Variants in NAV3 observed in about 807,000 individuals in gnomAD.
NAV3 encodes the protein neuron navigator 3, also known as pore membrane and/or filament interacting like protein 1.
NAV3 carries 87 observed loss-of-function variants against 244.7 expected under a neutral mutation model. The ratio of observed to expected loss-of-function variants is 0.36; its 90% CI spans 0.30 to 0.42. The LOEUF (loss-of-function observed/expected upper bound fraction) is 0.42, where lower values mean the gene tolerates loss of function less well. Ranked by LOEUF, NAV3 falls within the 20% of genes least tolerant of loss-of-function variation. NAV3 has a pLI of 1.00. For missense variants in NAV3, 2,663 were observed against 2,893.3 expected (o/e 0.92, Z 1.83); for synonymous variants, 1,126 against 1,042.2 (o/e 1.08, Z -1.55).
chr12:78,096,133 A>G (rs1954238637), intron 12 of NAV3, among the ~76,000 whole-genome samples: 1 of 152,320 alleles, frequency 6.6e-6, no homozygotes, highest in East Asian at 1.9e-4. Flanking sequence ...AATAAAAGGG[A>G]TCAAGTCCTA....
intron 2 of NAV3, among the ~76,000 whole-genome samples, chr12:77,797,920 G>A (rs1871508505): frequency 6.6e-6 from 1 of 151,640 alleles, no homozygotes; most frequent in Non-Finnish European, 1.5e-5. Context: ...TGTAATCCCA[G>A]TACTTTGGGA....
chr12:77,661,038 G>T (rs1592554055), intron 2 of NAV3, among the ~76,000 whole-genome samples: 2 of 152,052 alleles, frequency 1.3e-5, no homozygotes, highest in Non-Finnish European at 2.9e-5. Context: ...TATGAATAAT[G>T]CTGCCATAAA....
At chr12:78,012,303 T>C (rs1875438112) in intron 8 of NAV3, among the ~76,000 whole-genome samples, 1 of 152,084 alleles carries the variant, frequency 6.6e-6, no homozygotes, top group African/African-American at 2.4e-5. Context: ...TAGTTTCCAA[T>C]GAGTCTCCCA....
intron 2 of NAV3, among the ~76,000 whole-genome samples, chr12:77,672,574 C>T (rs953258024): frequency 1.3e-5 from 2 of 151,678 alleles, no homozygotes; most frequent in African/African-American, 4.8e-5. Flanking sequence ...GTATATATGG[C>T]TGAGTAGTAT....
intron 12 of NAV3, among the ~76,000 whole-genome samples, chr12:78,084,006 C>T (rs1323800881): frequency 6.6e-6 from 1 of 152,134 alleles, no homozygotes; most frequent in African/African-American, 2.4e-5. Flanking sequence ...ATTTTATCTA[C>T]TCTGCTCCTG....
At chr12:77,919,619 G>A (rs1217141765) in intron 1 of NAV3, among the ~76,000 whole-genome samples, 9 of 151,904 alleles carry the variant, frequency 5.9e-5, no homozygotes, top group East Asian at 1.9e-4. Context: ...TTTCTTAACC[G>A]CAAATATGTT....
At chr12:77,730,920 A>G (rs1428657479) in intron 2 of NAV3, among the ~76,000 whole-genome samples, 1 of 151,934 alleles carries the variant, frequency 6.6e-6, no homozygotes, top group African/African-American at 2.4e-5. Flanking sequence ...CTAGAATAAA[A>G]ACAGAATAAT....
chr12:78,182,054 G>C (rs929698874), intron 30 of NAV3, among the ~76,000 whole-genome samples: 6 of 151,966 alleles, frequency 3.9e-5, no homozygotes, highest in African/African-American at 1.4e-4. Context: ...AACTTCTGGT[G>C]GGGATTAGAG....
intron 2 of NAV3, among the ~76,000 whole-genome samples, chr12:77,814,492 G>A (rs1872447489): frequency 6.6e-6 from 1 of 152,144 alleles, no homozygotes; most frequent in Non-Finnish European, 1.5e-5. Flanking sequence ...ACAATAAGGA[G>A]AGGAGGTTGA....
chr12:77,627,719 C>T (rs1871700552), intron 2 of NAV3, among the ~76,000 whole-genome samples: 1 of 152,136 alleles, frequency 6.6e-6, no homozygotes, highest in South Asian at 2.1e-4. Context: ...CAAAGGGATA[C>T]CTGCACCTCC....
chr12:77,974,024 G>A lies in NAV3; in HGVS notation c.671+5322G>A, dbSNP rs566651965. Reference sequence around the variant, plus strand: ...GACTGCATTTGGAAACCAAGAGTATGTAATATTAAGAGAAAGTTTGTGTGT... The same window carrying A: ...GACTGCATTTGGAAACCAAGAGTATATAATATTAAGAGAAAGTTTGTGTGT... On this transcript the variant is annotated intron_variant, in intron 5 of 39. Transcript: ENST00000397909. 2.0e-5 allele frequency among the ~76,000 whole-genome samples: 3 copies of A among 152,048 alleles called. No homozygotes were observed. The East Asian group carries it at 5.8e-4, about 29-fold the overall frequency.
intron 2 of NAV3, among the ~76,000 whole-genome samples, chr12:77,720,806 T>G: frequency 6.6e-6 from 1 of 152,126 alleles, no homozygotes; most frequent in Admixed American, 6.6e-5. Flanking sequence ...GTTTCTGGAT[T>G]TCTCACAAAG....
At chr12:78,056,358 G>C (rs144108256) in intron 11 of NAV3, 3 of 152,160 alleles carry the variant, frequency 2.0e-5, no homozygotes, top group Admixed American at 6.6e-5. Context: ...GAATTAAAAC[G>C]TGAGAAGACA....
intron 2 of NAV3, among the ~76,000 whole-genome samples, chr12:77,819,089 C>G (rs1872631145): frequency 5.9e-5 from 9 of 151,920 alleles, no homozygotes; most frequent in Admixed American, 5.9e-4. Context: ...ACATGCATTT[C>G]CAATGACTAA....
At chr12:78,193,592 A>G (rs1204133268) in intron 34 of NAV3, among the ~76,000 whole-genome samples, 9 of 152,142 alleles carry the variant, frequency 5.9e-5, no homozygotes, top group African/African-American at 2.2e-4. Flanking sequence ...GATCTGGAAA[A>G]AAGACTTTTA....
At chr12:77,957,387 G>T (rs1241033170) in intron 3 of NAV3, among the ~76,000 whole-genome samples, 1 of 152,114 alleles carries the variant, frequency 6.6e-6, no homozygotes, top group Non-Finnish European at 1.5e-5. Flanking sequence ...CTATAAGGAG[G>T]TTATTAATCA....
chr12:78,161,108 T>C (rs1247114069), intron 23 of NAV3, among the ~76,000 whole-genome samples: 1 of 152,074 alleles, frequency 6.6e-6, no homozygotes, highest in East Asian at 1.9e-4. Context: ...GAATGAGAAT[T>C]CTGGCTATGT....
intron 3 of NAV3, among the ~76,000 whole-genome samples, chr12:77,948,331 G>T (rs1173352776): frequency 6.6e-6 from 1 of 151,946 alleles, no homozygotes; most frequent in Non-Finnish European, 1.5e-5. Context: ...TTGGAATAAA[G>T]TAACGGTTTG....
intron 2 of NAV3, among the ~76,000 whole-genome samples, chr12:77,600,675 G>A (rs1304740296): frequency 6.6e-6 from 1 of 151,894 alleles, no homozygotes; most frequent in Admixed American, 6.6e-5. Context: ...AAAAGCATGT[G>A]TTTTAGATGG....
Sources: allele counts gnomAD v4.1 joint callset (sites outside exome capture counted in the v4.1 genomes callset), GRCh38; gene constraint gnomAD v4.1.1; transcripts MANE v1.5; gene names NCBI Gene and HGNC (gene_info 2026-07-23, HGNC 2026-07-21).